Variants in PIK3C2A observed in about 807,000 individuals in gnomAD.
PIK3C2A encodes phosphatidylinositol-4-phosphate 3-kinase catalytic subunit type 2 alpha.
In PIK3C2A, 97 loss-of-function variants were observed where a neutral mutation model predicts 204.5. The ratio of observed to expected loss-of-function variants is 0.47; its 90% CI spans 0.40 to 0.56. PIK3C2A has a LOEUF of 0.56. Ranked by LOEUF, PIK3C2A falls within the 20% of genes least tolerant of loss-of-function variation. The pLI, the probability that PIK3C2A is intolerant of heterozygous loss-of-function variation, is 0.00. For missense variants in PIK3C2A, 1,735 were observed against 1,969.2 expected, an observed-to-expected ratio of 0.88 and a Z score of 2.25; for synonymous variants, 653 against 664.4, an observed-to-expected ratio of 0.98 and a Z score of 0.26.
intron 8 of PIK3C2A, among the ~76,000 whole-genome samples, chr11:17,144,310 C>T (rs947980128): frequency 5.3e-5 from 8 of 152,150 alleles, no homozygotes; most frequent in African/African-American, 1.9e-4. Context: ...TCCTTGATTT[C>T]CATAACTGCA....
At chr11:17,201,292 G>T (rs932483305) in intron 1 of PIK3C2A, among the ~76,000 whole-genome samples, 3 of 151,802 alleles carry the variant, frequency 2.0e-5, no homozygotes, top group Non-Finnish European at 4.4e-5. Flanking sequence ...ACTTCAGGAG[G>T]CCGAGGCAGG....
chr11:17,187,765 C>T (rs941392270), intron 1 of PIK3C2A, among the ~76,000 whole-genome samples: 3 of 151,990 alleles, frequency 2.0e-5, no homozygotes, highest in Admixed American at 6.6e-5. Flanking sequence ...GGGAAAAAGA[C>T]TGAGAGGCAC....
In PIK3C2A at chr11:17,102,695, A is replaced by C; in HGVS notation, c.3818T>G (p.Leu1273Trp). 1 of 1,612,688 alleles carries C rather than the reference A, an allele frequency of 6.2e-7. No homozygotes were observed. Among genetic ancestry groups the C allele is most frequent in the Non-Finnish European group, 8.5e-7 (1 of 1,179,268 alleles). ...HMFHIDFGKF[L>W]GHAQMFGSFK... The stretch of plus-strand genomic sequence containing the variant: ...GCTGCCAAACATCTGTGCATGTCCC[A>C]AAAACTTTCCAAAGTCAATGTGAAA... Residue 1273 changes from leucine (L) to tryptophan (W), a missense_variant, in exon 24 of 33, where the codon TTG (leucine) becomes TGG (tryptophan). Physicochemically the swap from Leu to Trp is moderately conservative, Grantham distance 61 (BLOSUM62 -2). This residue lies in a region of PIK3C2A where 503 missense variants were observed against 669.0 expected (regional missense o/e 0.75). Coordinates refer to ENST00000691414, the MANE Select transcript of PIK3C2A (RefSeq NM_002645.4).
At position 17,117,624 on chromosome 11, in the gene PIK3C2A, T is replaced by C. The variant is rs781365268; in HGVS notation, c.3083A>G (p.Glu1028Gly). 2 of 1,613,118 alleles carry C rather than the reference T, an allele frequency of 1.2e-6. No homozygotes were observed. The highest frequency in any genetic ancestry group is 8.5e-7 in the Non-Finnish European group (1 of 1,179,120). ...LHDVQFSTRY[E>G]HVLGALLSVG... ...TGACAGGAGAGCACCCAAAACATGT[T>C]CGTATCGGGTACTAAACTGTACATC... Residue 1028 changes from glutamate to glycine, a missense_variant, in exon 19 of 33, where the codon GAA becomes GGA. By Grantham distance (98) the Glu-to-Gly change is moderately conservative. Around this residue, in one of 6 missense-constraint regions of PIK3C2A, gnomAD observed 567 missense variants for 576.0 expected, o/e 0.98. Transcript: ENST00000691414.
chr11:17,153,345 G>C (rs1041122467), intron 3 of PIK3C2A, among the ~76,000 whole-genome samples: 1 of 151,356 alleles, frequency 6.6e-6, no homozygotes, highest in Non-Finnish European at 1.5e-5. Flanking sequence ...TGAGGCAGGA[G>C]AATCGCTTGA....
At chr11:17,203,972 G>C (rs1355914450) in intron 1 of PIK3C2A, among the ~76,000 whole-genome samples, 1 of 152,164 alleles carries the variant, frequency 6.6e-6, no homozygotes, top group Non-Finnish European at 1.5e-5. Flanking sequence ...TACTCGGGAG[G>C]CTGAGGCAGG....
intron 8 of PIK3C2A, among the ~76,000 whole-genome samples, chr11:17,143,330 A>C (rs1475918772): frequency 6.6e-6 from 1 of 151,992 alleles, no homozygotes; most frequent in Non-Finnish European, 1.5e-5. Flanking sequence ...CATGCTCTTT[A>C]TCTTTCACCT....
intron 32 of PIK3C2A, among the ~76,000 whole-genome samples, chr11:17,090,898 C>T (rs574204940): frequency 1.6e-4 from 25 of 151,858 alleles, no homozygotes; most frequent in Middle Eastern, 3.4e-3. Context: ...TGCCACCATG[C>T]CTAGCTAATT....
intron 8 of PIK3C2A, among the ~76,000 whole-genome samples, chr11:17,140,830 A>G (rs771760864): frequency 3.3e-5 from 5 of 152,236 alleles, no homozygotes; most frequent in Non-Finnish European, 7.3e-5. Context: ...ATAAAGCTAT[A>G]AAAATAAAGG....
chr11:17,098,373 T>C (rs1418987999), intron 26 of PIK3C2A, among the ~76,000 whole-genome samples: 1 of 152,218 alleles, frequency 6.6e-6, no homozygotes, highest in East Asian at 1.9e-4. Context: ...TAGTTCTCCC[T>C]ACCATGTGAG....
intron 13 of PIK3C2A, among the ~76,000 whole-genome samples, chr11:17,126,223 G>A (rs1322122192): frequency 1.3e-5 from 2 of 152,112 alleles, no homozygotes; most frequent in Admixed American, 6.5e-5. Context: ...GCTTAATTCT[G>A]TTTATATGCC....
chr11:17,101,558 C>T (rs1423070752), intron 24 of PIK3C2A, 124 bp from the exon 25 acceptor site: 3 of 436,544 alleles, frequency 6.9e-6, no homozygotes, highest in East Asian at 6.7e-5. Context: ...CTTAATACCA[C>T]ACACTTTTGA....
chr11:17,095,686 G>C (rs964297504), intron 27 of PIK3C2A, among the ~76,000 whole-genome samples: 1 of 151,884 alleles, frequency 6.6e-6, no homozygotes, highest in East Asian at 1.9e-4. Context: ...GAAATGAGTG[G>C]ATTACTTGGG....
At chr11:17,146,159 A>ATT (rs1850237692) in intron 6 of PIK3C2A, among the ~76,000 whole-genome samples, 2 of 152,218 alleles carry the variant, frequency 1.3e-5, no homozygotes, top group Non-Finnish European at 2.9e-5. Flanking sequence ...AATGGAAAAC[A>ATT]TAAATGCTTT....
intron 18 of PIK3C2A, among the ~76,000 whole-genome samples, chr11:17,117,892 T>C (rs1849256215): frequency 6.6e-6 from 1 of 151,414 alleles, no homozygotes; most frequent in South Asian, 2.1e-4. Flanking sequence ...TTTTTGTATT[T>C]TTAGTAGAGA....
rs1850282187 is a variant in PIK3C2A, at chr11:17,147,581, C to A, written c.1496G>T (p.Trp499Leu). 1 of 1,612,058 alleles carries A rather than the reference C, an allele frequency of 6.2e-7. No individual in the cohort carries two copies. The highest frequency in any genetic ancestry group is 1.1e-5 in the South Asian group (1 of 91,030). ...SHEHIQNCRKWDTEIRLQLLT... is the reference protein window; with the variant it reads ...SHEHIQNCRKLDTEIRLQLLT... ...GAGTTGTAGTCTAATTTCTGTGTCC[C>A]ATTTTCGACAGTTTTGAATATGCTC... Residue 499 changes from tryptophan to leucine, a missense_variant, in exon 6 of 33, where the codon TGG becomes TTG. Around this residue, in one of 6 missense-constraint regions of PIK3C2A, gnomAD observed 13 missense variants for 41.1 expected, o/e 0.32. Transcript: ENST00000691414.
Position 17,102,767 on chromosome 11 carries a change from C to T in PIK3C2A, c.3746G>A (p.Cys1249Tyr). 1.9e-6 allele frequency: 3 copies of T among 1,613,082 alleles called. No individual in the cohort carries two copies. The highest frequency in any genetic ancestry group is 1.7e-5 in the Admixed American group (1 of 60,000). The change falls in exon 24 of 33, where the codon TGT becomes TAT. Residue 1249 changes from cysteine to tyrosine, a missense_variant. Around this residue, in one of 6 missense-constraint regions of PIK3C2A, gnomAD observed 503 missense variants for 669.0 expected, o/e 0.75. Coordinates refer to ENST00000691414, the MANE Select transcript of PIK3C2A (RefSeq NM_002645.4). ...CCVATYVLGI[C>Y]DRHNDNIMLR... ...CATTATATTGTCATTGTGTCGATCA[C>T]AGATGCCTAAAACATAGGTGGCTAC...
chr11:17,128,273 C>CT lies in PIK3C2A; in HGVS notation c.2399+1026dup, dbSNP rs754387936. 6.2e-3 allele frequency among the ~76,000 whole-genome samples: 533 copies of CT among 85,872 alleles called. 2 individuals are homozygous for CT. The highest frequency in any genetic ancestry group is 0.024 in the Middle Eastern group (3 of 126). 56.3% of individuals were successfully genotyped at this position (85,872 alleles called of 152,430 possible). A position where few individuals can be genotyped will look rare whatever the true frequency, so the allele number is the denominator to read the frequency against. On this transcript the variant is annotated intron_variant, in intron 13 of 32. Transcript: ENST00000691414. Reference sequence around the variant, plus strand: ...TTTTTCTTTTAGAACTTTAGAGATGCTTTTTTTTTTTTTTGGCGGGGGGTG... The same window carrying CT: ...TTTTTCTTTTAGAACTTTAGAGATGCTTTTTTTTTTTTTTTGGCGGGGGGTG...
At chr11:17,201,940 G>A (rs934526044) in intron 1 of PIK3C2A, among the ~76,000 whole-genome samples, 4 of 152,102 alleles carry the variant, frequency 2.6e-5, no homozygotes, top group African/African-American at 9.7e-5. Flanking sequence ...ACACTCAAAT[G>A]CCATATGAAG....
Sources: gnomAD v4.1 joint callset for allele counts (sites outside exome capture counted in the v4.1 genomes callset) on GRCh38, gnomAD v4.1.1 for gene constraint, gnomAD v4.1.1 regional missense constraint, MANE v1.5 for transcripts, NCBI Gene and HGNC (gene_info 2026-07-23, HGNC 2026-07-21) for gene names.